Variants in XKR6 observed in about 807,000 individuals in gnomAD.
The protein encoded by XKR6 is XK-related protein 6.
XKR6 carries 22 observed loss-of-function variants against 56.7 expected under a neutral mutation model. The ratio of observed to expected loss-of-function variants is 0.39; its 90% confidence interval spans 0.28 to 0.55. The LOEUF is 0.55. Ranked by LOEUF, XKR6 falls within the 20% of genes least tolerant of loss-of-function variation. The pLI, the probability that XKR6 is intolerant of heterozygous loss-of-function variation, is 0.66. For missense variants in XKR6, 852 were observed against 889.0 expected (o/e 0.96, Z 0.53); for synonymous variants, 524 against 387.8 (o/e 1.35, Z -4.13).
chr8:10,944,310 A>G (rs1801470805), intron 1 of XKR6, among the ~76,000 whole-genome samples: 1 of 152,218 alleles, frequency 6.6e-6, no homozygotes, highest in African/African-American at 2.4e-5. Flanking sequence ...AGTTGAACAC[A>G]AGAAAGAACT....
At position 11,200,740 on chromosome 8, in the gene XKR6, G is replaced by C; in HGVS notation, c.600C>G (p.Thr200=). 1 of 1,594,048 alleles carries C rather than the reference G, an allele frequency of 6.3e-7. No individual in the cohort carries two copies. The highest frequency in any genetic ancestry group is 2.4e-5 in the East Asian group (1 of 42,540). The part of the protein sequence containing the change: ...GGGLGAVEGL[T]SRGPPMMGAG... ...CCCCCATCATGGGGGGGCCCCGGCT[G>C]GTGAGCCCCTCCACGGCGCCCAGCC... The change falls in exon 1 of 3, where the codon ACC becomes ACG. Residue 200 remains threonine (T), a synonymous_variant. Transcript: ENST00000416569. This position sits in a 1 kb window ranked among gnomAD's most constrained non-coding sequence, Gnocchi z 6.4.
At chr8:10,980,377 A>G (rs1223605171) in intron 1 of XKR6, among the ~76,000 whole-genome samples, 1 of 152,218 alleles carries the variant, frequency 6.6e-6, no homozygotes, top group Non-Finnish European at 1.5e-5. Context: ...CATGGGTGAC[A>G]GGGAGCTATC....
intron 1 of XKR6, among the ~76,000 whole-genome samples, chr8:10,967,601 A>T (rs924266559): frequency 1.3e-5 from 2 of 152,186 alleles, no homozygotes; most frequent in Admixed American, 1.3e-4. Context: ...GCTGGAGGCC[A>T]GGCTCTGATC....
chr8:11,153,260 C>T (rs958153304), intron 1 of XKR6, among the ~76,000 whole-genome samples: 4 of 152,138 alleles, frequency 2.6e-5, no homozygotes, highest in African/African-American at 9.7e-5. Context: ...AACCAATTTA[C>T]TGGGTCAAGA....
Position 11,076,716 on chromosome 8 carries a change from C to T in XKR6, c.764+123860G>A, listed in dbSNP as rs372471304. Among the ~76,000 whole-genome samples, 17 of 152,334 alleles carry T rather than the reference C, an allele frequency of 1.1e-4. No homozygotes were observed. The East Asian group carries it at 1.5e-3, about 14-fold the overall frequency. Reference sequence around the variant, plus strand: ...GGTCCAGCTGAGTCCAGCCAGGATCCGGGGCCTCAGCCAGCGCAGGCAGCG... The same window carrying T: ...GGTCCAGCTGAGTCCAGCCAGGATCTGGGGCCTCAGCCAGCGCAGGCAGCG... On this transcript the variant is annotated intron_variant, in intron 1 of 2. Coordinates refer to ENST00000416569, the MANE Select transcript of XKR6 (RefSeq NM_173683.4).
chr8:11,154,718 T>C (rs1248492782), intron 1 of XKR6, among the ~76,000 whole-genome samples: 3 of 152,214 alleles, frequency 2.0e-5, no homozygotes, highest in Non-Finnish European at 4.4e-5. Flanking sequence ...AGTAAGAGTT[T>C]CTAGAATACA....
intron 1 of XKR6, among the ~76,000 whole-genome samples, chr8:11,129,911 C>T (rs886434531): frequency 6.6e-6 from 1 of 152,100 alleles, no homozygotes; most frequent in Non-Finnish European, 1.5e-5. Context: ...TGATATATAA[C>T]AGGAGATGAG....
chr8:10,987,519 A>G lies in XKR6; in HGVS notation c.765-62689T>C, dbSNP rs76657440. Among the ~76,000 whole-genome samples, 1,341 of 152,294 alleles carry G rather than the reference A, an allele frequency of 8.8e-3. 14 individuals carry two copies. The highest frequency in any genetic ancestry group is 0.03 in the African/African-American group (1,262 of 41,546). On this transcript the variant is annotated intron_variant, in intron 1 of 2. Transcript: ENST00000416569. ...GCCACTTCTCATCATCCCTTGTGTG[A>G]CTATGCACAAACCAACCCCTATCTC...
intron 1 of XKR6, among the ~76,000 whole-genome samples, chr8:11,114,994 G>C (rs1364019674): frequency 6.6e-6 from 1 of 152,170 alleles, no homozygotes; most frequent in Non-Finnish European, 1.5e-5. Context: ...GACAGAACGA[G>C]TTCTAAACCT....
At position 11,008,828 on chromosome 8, in the gene XKR6, GC is replaced by G. The variant is rs895229397; in HGVS notation, c.765-83999del. On this transcript the variant is annotated intron_variant, in intron 1 of 2. Coordinates refer to ENST00000416569, the MANE Select transcript of XKR6 (RefSeq NM_173683.4). ...TATCACTGAATGCCATTGGTTGCAG[GC>G]CCCCCCGCCCAAGGAGCATGAGGCC... Among the ~76,000 whole-genome samples the G allele has an allele frequency of 4.6e-5, 7 of 151,878 alleles. No homozygotes were observed. The East Asian group carries it at 7.7e-4, about 17-fold the overall frequency.
chr8:11,173,617 G>A (rs981346611), intron 1 of XKR6, among the ~76,000 whole-genome samples: 1 of 152,068 alleles, frequency 6.6e-6, no homozygotes, highest in Non-Finnish European at 1.5e-5. Context: ...TTCAGTGAGT[G>A]ACACACATGC....
chr8:11,045,875 G>C (rs1007067911), intron 1 of XKR6, among the ~76,000 whole-genome samples: 1 of 152,174 alleles, frequency 6.6e-6, no homozygotes. Context: ...AAAAGAAAAA[G>C]AAAAGAGACA....
intron 1 of XKR6, among the ~76,000 whole-genome samples, chr8:10,933,053 G>A (rs927242163): frequency 1.3e-5 from 2 of 152,078 alleles, no homozygotes; most frequent in African/African-American, 4.8e-5. Flanking sequence ...CAGTGTAAAA[G>A]TGTTCCTATT....
chr8:11,026,836 C>T (rs1047492465), intron 1 of XKR6, among the ~76,000 whole-genome samples: 22 of 151,716 alleles, frequency 1.5e-4, no homozygotes, highest in Admixed American at 9.2e-4. Flanking sequence ...CTACTACACA[C>T]CTAGATAGCC....
chr8:11,031,813 C>T (rs890916512), intron 1 of XKR6, among the ~76,000 whole-genome samples: 7 of 152,232 alleles, frequency 4.6e-5, no homozygotes, highest in Non-Finnish European at 1.0e-4. Context: ...CCTGTATCTT[C>T]ATTCCTATAC....
intron 1 of XKR6, among the ~76,000 whole-genome samples, chr8:11,024,052 T>C (rs1246922850): frequency 6.6e-6 from 1 of 152,168 alleles, no homozygotes; most frequent in African/African-American, 2.4e-5. Context: ...ACATGGCACA[T>C]CCCGAAGTCT....
intron 2 of XKR6, among the ~76,000 whole-genome samples, chr8:10,917,237 T>C (rs1396110050): frequency 6.6e-6 from 1 of 152,138 alleles, no homozygotes; most frequent in Admixed American, 6.5e-5. Context: ...TATAGGAGGC[T>C]TTTCTAATTA....
At chr8:10,906,535 T>C (rs6987083) in intron 2 of XKR6, among the ~76,000 whole-genome samples, 23,517 of 152,262 alleles carry the variant, frequency 0.15, 2,024 homozygotes, top group Non-Finnish European at 0.17. Context: ...GGAAATAATA[T>C]GCTGGTGAAA....
At chr8:10,907,291 C>T (rs914235005) in intron 2 of XKR6, among the ~76,000 whole-genome samples, 1 of 152,104 alleles carries the variant, frequency 6.6e-6, no homozygotes, top group African/African-American at 2.4e-5. Context: ...AGTGAGTGGG[C>T]CAAGGGAGAA....
Sources: gnomAD v4.1 joint callset for allele counts (sites outside exome capture counted in the v4.1 genomes callset) on GRCh38, gnomAD v4.1.1 for gene constraint, Gnocchi (gnomAD v3.1) non-coding constraint, MANE v1.5 for transcripts, NCBI Gene and HGNC (gene_info 2026-07-23, HGNC 2026-07-21) for gene names.